PCCB: variants seen among roughly 807,000 people sequenced by gnomAD.
PCCB encodes the protein propionyl-CoA carboxylase subunit beta.
Under a neutral mutation model 60.7 loss-of-function variants are expected in PCCB, and 43 were observed. That is an observed-to-expected ratio of 0.71 (90% CI 0.55 to 0.91). The LOEUF (loss-of-function observed/expected upper bound fraction) is 0.91. PCCB is among the 40% of genes least tolerant of loss of function. The pLI, the probability that PCCB is intolerant of heterozygous loss-of-function variation, is 0.00. For missense variants in PCCB, 766 were observed against 702.8 expected, an observed-to-expected ratio of 1.09 and a Z score of -1.02; for synonymous variants, 276 against 255.9, an observed-to-expected ratio of 1.08 and a Z score of -0.75.
At chr3:136,294,397 C>T (rs187366517) in intron 7 of PCCB, among the ~76,000 whole-genome samples, 11 of 150,762 alleles carry the variant, frequency 7.3e-5, no homozygotes, top group South Asian at 4.2e-4. Flanking sequence ...TTGCAACCTC[C>T]GCCTCCCAGG....
At chr3:136,277,120 T>C (rs1229604121) in intron 5 of PCCB, among the ~76,000 whole-genome samples, 1 of 152,152 alleles carries the variant, frequency 6.6e-6, no homozygotes, top group African/African-American at 2.4e-5. Context: ...GAGTGTCAGG[T>C]GAGTGAGGTA....
intron 12 of PCCB, among the ~76,000 whole-genome samples, 184 bp downstream of exon 12, chr3:136,327,439 T>C (rs1200578473): frequency 6.6e-6 from 1 of 152,218 alleles, no homozygotes; most frequent in Non-Finnish European, 1.5e-5. Context: ...ACAGGGGAAC[T>C]GAAGGCAGTA....
Position 136,279,564 on chromosome 3 carries a change from C to T in PCCB, c.544-4273C>T, listed in dbSNP as rs186119416. On this transcript the variant is annotated intron_variant, in intron 5 of 14. Transcript: ENST00000251654. Reference sequence around the variant, plus strand: ...CATACTGCTTCTGTAACTCTCCATCCTTCCTTTTTTATGTTGTTATTGTCA... The same window carrying T: ...CATACTGCTTCTGTAACTCTCCATCTTTCCTTTTTTATGTTGTTATTGTCA... Among the ~76,000 whole-genome samples the T allele has an allele frequency of 1.5e-3, 231 of 152,208 alleles. 2 individuals carry two copies. The highest frequency in any genetic ancestry group is 6.2e-4 in the South Asian group (3 of 4,824).
At chr3:136,261,513 A>G (rs1035819758) in intron 4 of PCCB, among the ~76,000 whole-genome samples, 1 of 152,220 alleles carries the variant, frequency 6.6e-6, no homozygotes, top group Non-Finnish European at 1.5e-5. Context: ...AATCTGTCAC[A>G]TTAGAAGTAA....
chr3:136,266,243 C>T (rs1022516843), intron 5 of PCCB, among the ~76,000 whole-genome samples: 7 of 152,054 alleles, frequency 4.6e-5, no homozygotes, highest in Non-Finnish European at 5.9e-5. Context: ...ATTGCCCTGC[C>T]TCTGCCTCCC....
At chr3:136,255,415 G>C (rs1941645057) in intron 1 of PCCB, 2 of 258,044 alleles carry the variant, frequency 7.8e-6, no homozygotes, top group South Asian at 4.5e-5. Flanking sequence ...GGACCCTCGT[G>C]AGGTGAGGTG....
intron 5 of PCCB, among the ~76,000 whole-genome samples, chr3:136,262,856 C>T (rs112879291): frequency 0.012 from 1,866 of 152,134 alleles, 32 homozygotes; most frequent in East Asian, 0.047. Flanking sequence ...AACAAAAGAG[C>T]GGCCCTCAGA....
At chr3:136,251,602 G>A (rs1217868913) in intron 1 of PCCB, among the ~76,000 whole-genome samples, 4 of 152,156 alleles carry the variant, frequency 2.6e-5, no homozygotes, top group African/African-American at 7.2e-5. Flanking sequence ...TTTAGTGATG[G>A]TTTGTGGTGC....
At chr3:136,252,474 T>G (rs144360431) in intron 1 of PCCB, 571 of 355,870 alleles carry the variant, frequency 1.6e-3, no homozygotes, top group Admixed American at 4.3e-3. Context: ...CTTGAACTCC[T>G]GACCTCAGGT....
intron 1 of PCCB, among the ~76,000 whole-genome samples, chr3:136,253,257 A>G (rs1038209653): frequency 2.7e-5 from 4 of 149,324 alleles, no homozygotes; most frequent in African/African-American, 9.9e-5. Context: ...ACCTGGCTAT[A>G]ATTTTGGAGT....
At chr3:136,294,604 C>T (rs995784193) in intron 7 of PCCB, among the ~76,000 whole-genome samples, 1 of 151,568 alleles carries the variant, frequency 6.6e-6, no homozygotes, top group Non-Finnish European at 1.5e-5. Context: ...GCCACCATAC[C>T]TGGCTTTTGT....
rs752083432 is a variant in PCCB, at chr3:136,256,520, A to AT, written c.304-29dup. ...CAAACTCATTAGAAGAAGTATTTGG[A>AT]TTTTTTAACCTTTATTTTTGCATTT... On this transcript the variant is annotated intron_variant, in intron 2 of 14. Transcript: ENST00000251654. 7.2e-6 allele frequency: 11 copies of AT among 1,532,120 alleles called. No individual in the cohort carries two copies. The Admixed American group carries it at 1.2e-4, about 16-fold the overall frequency. 94.9% of individuals were successfully genotyped at this position (1,532,120 alleles called of 1,614,324 possible).
chr3:136,297,964 G>T lies in PCCB; in HGVS notation c.776G>T (p.Arg259Ile). ...CCTGTTCTCTTAGGTGTGGCCCACA[G>T]AGCTTTTGAAAATGATGTTGATGCC... ...THTTMSGVAH[R>I]AFENDVDALC... Residue 259 changes from arginine (R) to isoleucine (I), a missense_variant, in exon 8 of 15, where the codon AGA becomes ATA. Coordinates refer to ENST00000251654, the MANE Select transcript of PCCB (RefSeq NM_000532.5). The T allele has an allele frequency of 6.2e-7, 1 of 1,614,152 alleles. No individual in the cohort carries two copies. Among genetic ancestry groups the T allele is most frequent in the Non-Finnish European group, 8.5e-7 (1 of 1,179,986 alleles).
At chr3:136,272,152 T>C (rs1259395910) in intron 5 of PCCB, among the ~76,000 whole-genome samples, 1 of 152,200 alleles carries the variant, frequency 6.6e-6, no homozygotes, top group African/African-American at 2.4e-5. Flanking sequence ...GTTTACGGGA[T>C]TTATCACATT....
intron 10 of PCCB, among the ~76,000 whole-genome samples, chr3:136,319,077 A>C (rs943136632): frequency 2.6e-5 from 4 of 152,192 alleles, no homozygotes; most frequent in Non-Finnish European, 5.9e-5. Context: ...GCCAACACTT[A>C]TTATTAATTT....
chr3:136,250,723 G>A (rs1941491502), intron 1 of PCCB, among the ~76,000 whole-genome samples, 165 bp downstream of exon 1: 3 of 152,226 alleles, frequency 2.0e-5, no homozygotes, highest in African/African-American at 4.8e-5. Flanking sequence ...TCGTGGAGGC[G>A]GGTATAACCA....
chr3:136,273,597 C>CTTTTTT lies in PCCB; in HGVS notation c.544-10223_544-10218dup. Among the ~76,000 whole-genome samples the CTTTTTT allele has an allele frequency of 2.3e-3, 106 of 45,188 alleles. 1 individual carries two copies. The highest frequency in any genetic ancestry group is 3.1e-3 in the Non-Finnish European group (74 of 24,018). 29.6% of individuals were successfully genotyped at this position (45,188 alleles called of 152,430 possible). Reference sequence around the variant, plus strand: ...TTCTTTCTTTTTTTTTTTCTTTTTTCTTTTTTTTTTTTTTTTTTTTTTACT... The same window carrying CTTTTTT: ...TTCTTTCTTTTTTTTTTTCTTTTTTCTTTTTTTTTTTTTTTTTTTTTTTTTTTTACT... On this transcript the variant is annotated intron_variant, in intron 5 of 14. Coordinates refer to ENST00000251654, the MANE Select transcript of PCCB (RefSeq NM_000532.5).
intron 5 of PCCB, among the ~76,000 whole-genome samples, chr3:136,282,115 C>G (rs1023218738): frequency 6.6e-6 from 1 of 152,230 alleles, no homozygotes; most frequent in Middle Eastern, 3.4e-3. Context: ...AACCAAGATG[C>G]AAAGGTTCTA....
intron 5 of PCCB, among the ~76,000 whole-genome samples, chr3:136,280,876 A>T (rs1422420617): frequency 6.6e-6 from 1 of 152,060 alleles, no homozygotes; most frequent in East Asian, 1.9e-4. Flanking sequence ...CTGGTCTCAA[A>T]CTCTTGGCCT....
Sources: gnomAD v4.1 joint callset for allele counts (sites outside exome capture counted in the v4.1 genomes callset) on GRCh38, gnomAD v4.1.1 for gene constraint, MANE v1.5 for transcripts, NCBI Gene and HGNC (gene_info 2026-07-23, HGNC 2026-07-21) for gene names.